Variants in KIFBP observed in about 807,000 individuals in gnomAD.
The protein encoded by KIFBP is KIF-binding protein.
In KIFBP, 46 loss-of-function variants were observed where a neutral mutation model predicts 58.9. The observed-to-expected ratio is 0.78, with a 90% CI of 0.62 to 1.00. The LOEUF is 1.00. Ranked by LOEUF, KIFBP falls within the 50% of genes least tolerant of loss-of-function variation. KIFBP has a pLI of 0.00. For synonymous variants in KIFBP, 241 were observed against 283.4 expected, an observed-to-expected ratio of 0.85 and a Z score of 1.50; for missense variants, 651 against 752.9, an observed-to-expected ratio of 0.86 and a Z score of 1.58.
At chr10:69,008,419 T>TATATATATATATATATATATA (rs1564637637) in intron 4 of KIFBP, among the ~76,000 whole-genome samples, 7 of 137,584 alleles carry the variant, frequency 5.1e-5, no homozygotes, top group African/African-American at 1.7e-4. Flanking sequence ...TATATATATA[T>TATATATATATATATATATATA]TCAGTCTTCT....
chr10:69,011,243 G>C, intron 6 of KIFBP: 1 of 490,388 alleles, frequency 2.0e-6, no homozygotes, highest in East Asian at 3.9e-5. Flanking sequence ...CTCCAGCCTG[G>C]GCAACAGAGC....
At chr10:68,997,487 C>G (rs1399868175) in intron 1 of KIFBP, among the ~76,000 whole-genome samples, 1 of 152,234 alleles carries the variant, frequency 6.6e-6, no homozygotes, top group Non-Finnish European at 1.5e-5. Context: ...GTTTGGGCTT[C>G]CCCTTCACCT....
intron 1 of KIFBP, among the ~76,000 whole-genome samples, chr10:68,999,335 T>C (rs1843439601): frequency 6.6e-6 from 1 of 151,862 alleles, no homozygotes; most frequent in Non-Finnish European, 1.5e-5. Context: ...TCGCCTCAAG[T>C]GATCTGCCTG....
Position 69,016,480 on chromosome 10 carries a change from C to T in KIFBP, c.*64C>T. The T allele has an allele frequency of 5.2e-6, 8 of 1,531,658 alleles. No homozygotes were observed. Among genetic ancestry groups the T allele is most frequent in the South Asian group, 2.3e-5 (2 of 88,712 alleles). The allele number at this position is 1,531,658 out of a possible 1,614,324, so 94.9% of individuals were successfully genotyped here. ...TGATCTTTTTCCCTAGTCAGACAGGCCCAATTCCATTGTGATGTTTACCTT... is the reference window on the plus strand; with the variant it reads ...TGATCTTTTTCCCTAGTCAGACAGGTCCAATTCCATTGTGATGTTTACCTT... On this transcript the variant is annotated 3_prime_UTR_variant, in exon 7 of 7. Coordinates refer to ENST00000361983, the MANE Select transcript of KIFBP (RefSeq NM_015634.4).
chr10:69,006,496 A>C (rs1303098483), intron 4 of KIFBP, among the ~76,000 whole-genome samples: 2 of 152,184 alleles, frequency 1.3e-5, no homozygotes, highest in Non-Finnish European at 2.9e-5. Flanking sequence ...AATTTCTCAT[A>C]AAAATTTAAA....
rs549809986 is a variant in KIFBP at position 69,013,520 on chromosome 10, A to C, written c.991-2021A>C. Among the ~76,000 whole-genome samples, 10 of 152,268 alleles carry C rather than the reference A, an allele frequency of 6.6e-5. No individual in the cohort carries two copies. In the East Asian group the frequency reaches 1.9e-3, roughly 29 times the overall value. Reference sequence around the variant, plus strand: ...GCAAAACAGTAGGCTAATTTAAATAAGCATCCTAGAGAGAACATGTAAGTA... The same window carrying C: ...GCAAAACAGTAGGCTAATTTAAATACGCATCCTAGAGAGAACATGTAAGTA... On this transcript the variant is annotated intron_variant, in intron 6 of 6. Transcript: ENST00000361983.
At position 69,015,938 on chromosome 10, in the gene KIFBP, C is replaced by T. The variant is rs1838996473; in HGVS notation, c.1388C>T (p.Pro463Leu). ...GAGCCCCTAACTGTAGACCTGAATCCACAGTATTATCTGTTGGTCAACAGA... is the reference window on the plus strand; with the variant it reads ...GAGCCCCTAACTGTAGACCTGAATCTACAGTATTATCTGTTGGTCAACAGA... ...MLEPLTVDLN[P>L]QYYLLVNRQI... The change falls in exon 7 of 7, where the codon CCA becomes CTA. Residue 463 changes from proline to leucine, a missense_variant. Coordinates refer to ENST00000361983, the MANE Select transcript of KIFBP (RefSeq NM_015634.4). The T allele has an allele frequency of 6.2e-7, 1 of 1,614,134 alleles. No homozygotes were observed. Among genetic ancestry groups the T allele is most frequent in the Non-Finnish European group, 8.5e-7 (1 of 1,180,008 alleles).
At chr10:69,008,391 AATATATAT>A (rs1173764355) in intron 4 of KIFBP, among the ~76,000 whole-genome samples, 1 of 71,614 alleles carries the variant, frequency 1.4e-5, no homozygotes, top group Non-Finnish European at 2.4e-5. Flanking sequence ...AAAAAAAAAA[AATATATAT>A]ATATATATAT....
intron 4 of KIFBP, chr10:69,006,899 G>A (rs1295050102): frequency 6.6e-6 from 1 of 152,152 alleles, no homozygotes; most frequent in Non-Finnish European, 1.5e-5. Context: ...CTGCAGCATC[G>A]CTTCTAGGAC....
In KIFBP at chr10:69,015,864, T is replaced by G. The variant is rs776013730; in HGVS notation, c.1314T>G (p.Thr438=). 9 of 1,614,070 alleles carry G rather than the reference T, an allele frequency of 5.6e-6. No homozygotes were observed. In the African/African-American group the frequency reaches 1.2e-4, roughly 22 times the overall value. ...ALFKVLAFFE[T]DMERRCKMHK... ...TTAAGGTGCTTGCATTCTTTGAAAC[T>G]GACATGGAGAGACGGTGCAAGATGC... Residue 438 remains threonine, a synonymous_variant, in exon 7 of 7, where the codon ACT becomes ACG. Coordinates refer to ENST00000361983, the MANE Select transcript of KIFBP (RefSeq NM_015634.4).
chr10:68,989,594 G>C, intron 1 of KIFBP: 1 of 403,012 alleles, frequency 2.5e-6, no homozygotes, highest in Non-Finnish European at 4.5e-6. Flanking sequence ...CTCTCCACCA[G>C]TCCAACTCCT....
rs7100752 is a variant in KIFBP at position 68,990,980 on chromosome 10, T to C, written c.426+1722T>C. On this transcript the variant is annotated intron_variant, in intron 1 of 6. Transcript: ENST00000361983. ...AGACTATAAGCCATATTTAGAATTA[T>C]GTAGAAAAGGCCGGATGTGGTGGCT... 7.9e-3 allele frequency among the ~76,000 whole-genome samples: 1,197 copies of C among 152,222 alleles called. 20 individuals carry two copies. Among genetic ancestry groups the C allele is most frequent in the African/African-American group, 0.027 (1,123 of 41,540 alleles).
At chr10:68,990,516 TG>T (rs1843330735) in intron 1 of KIFBP, among the ~76,000 whole-genome samples, 1 of 152,182 alleles carries the variant, frequency 6.6e-6, no homozygotes, top group African/African-American at 2.4e-5. Context: ...AACTGCAGTC[TG>T]GGTGACAGAG....
intron 2 of KIFBP, 85 bp from the exon 3 acceptor site, chr10:69,004,961 G>T: frequency 1.1e-6 from 1 of 883,080 alleles, no homozygotes; most frequent in South Asian, 1.4e-5. Flanking sequence ...GCTTGTAGAA[G>T]TTGATTTCTC....
chr10:69,015,380 G>C lies in KIFBP; in HGVS notation c.991-161G>C, dbSNP rs2429021. The C allele has an allele frequency of 0.13, 81,993 of 607,488 alleles. 6,840 individuals carry two copies. Among genetic ancestry groups the C allele is most frequent in the Non-Finnish European group, 0.18 (63,512 of 357,226 alleles). The allele number at this position is 607,488 out of a possible 1,614,324, so 37.6% of individuals were successfully genotyped here. A position where few individuals can be genotyped will look rare whatever the true frequency, so the allele number is the denominator to read the frequency against. On this transcript the variant is annotated intron_variant, in intron 6 of 6. Coordinates refer to ENST00000361983, the MANE Select transcript of KIFBP (RefSeq NM_015634.4). ...GAGTTTTTAATATAATCGGAAGAAA[G>C]AAAGAAGTTTTCAAAGGTGTTTAAG...
chr10:69,011,266 C>CTAAA lies in KIFBP; in HGVS notation c.990+268_990+271dup, dbSNP rs35263763. ...TGGGCAACAGAGCGAGACTCCATCT[C>CTAAA]TAAATAAATAAATAAATAAAATAAA... On this transcript the variant is annotated intron_variant, in intron 6 of 6. Coordinates refer to ENST00000361983, the MANE Select transcript of KIFBP (RefSeq NM_015634.4). The CTAAA allele has an allele frequency of 0.044, 15,956 of 363,292 alleles. 558 individuals carry two copies. The highest frequency in any genetic ancestry group is 0.052 in the Non-Finnish European group (10,128 of 194,804). 22.5% of individuals were successfully genotyped at this position (363,292 alleles called of 1,614,324 possible). A position where few individuals can be genotyped will look rare whatever the true frequency, so the allele number is the denominator to read the frequency against.
At chr10:68,998,473 G>C in intron 1 of KIFBP, among the ~76,000 whole-genome samples, 1 of 150,892 alleles carries the variant, frequency 6.6e-6, no homozygotes, top group East Asian at 1.9e-4. Context: ...TATTTCCTGT[G>C]TTCATAATGA....
At position 68,996,709 on chromosome 10, in the gene KIFBP, C is replaced by T. The variant is rs189344601; in HGVS notation, c.427-3715C>T. On this transcript the variant is annotated intron_variant, in intron 1 of 6. Coordinates refer to ENST00000361983, the MANE Select transcript of KIFBP (RefSeq NM_015634.4). Reference sequence around the variant, plus strand: ...CTCTATTAAAAATACAAAAATTAGCCGGGCATGGTGGCGCATGTCTGTAAT... The same window carrying T: ...CTCTATTAAAAATACAAAAATTAGCTGGGCATGGTGGCGCATGTCTGTAAT... 6.7e-3 allele frequency among the ~76,000 whole-genome samples: 1,008 copies of T among 150,380 alleles called. 12 individuals are homozygous for T. The highest frequency in any genetic ancestry group is 0.024 in the African/African-American group (969 of 40,872).
intron 1 of KIFBP, among the ~76,000 whole-genome samples, chr10:68,998,143 G>C (rs994085051): frequency 6.6e-6 from 1 of 152,148 alleles, no homozygotes; most frequent in Non-Finnish European, 1.5e-5. Context: ...TTACTGATTG[G>C]TCATGTTACA....
Sources: allele counts gnomAD v4.1 joint callset (sites outside exome capture counted in the v4.1 genomes callset), GRCh38; gene constraint gnomAD v4.1.1; transcripts MANE v1.5; gene names NCBI Gene and HGNC (gene_info 2026-07-23, HGNC 2026-07-21).